The following GTF3C1 variants were observed in gnomAD, a reference collection of about 807,000 sequenced individuals.
GTF3C1 encodes general transcription factor IIIC subunit 1, also known as general transcription factor 3C polypeptide 1.
Under a neutral mutation model 226.7 loss-of-function variants are expected in GTF3C1, and 57 were observed. That is an observed-to-expected ratio of 0.25 (90% CI 0.20 to 0.31). The LOEUF (loss-of-function observed/expected upper bound fraction) is 0.31, where lower values mean the gene tolerates loss of function less well. GTF3C1 is among the 10% of genes least tolerant of loss of function. The pLI, the probability that GTF3C1 is intolerant of heterozygous loss-of-function variation, is 1.00. For missense variants in GTF3C1, 2,217 were observed against 2,776.1 expected, an observed-to-expected ratio of 0.80 and a Z score of 4.53; for synonymous variants, 1,090 against 1,084.8, an observed-to-expected ratio of 1.00 and a Z score of -0.09.
chr16:27,466,014 C>T (rs1379839632), intron 32 of GTF3C1: 1 of 171,240 alleles, frequency 5.8e-6, no homozygotes, highest in Non-Finnish European at 1.3e-5. Flanking sequence ...ACTGTTGCTT[C>T]CTATAGAATA....
Position 27,501,192 on chromosome 16 carries a change from T to C in GTF3C1, c.2060A>G (p.Lys687Arg). The stretch of plus-strand genomic sequence containing the variant: ...GGCATCGGGGGAGGCCCTGGTTACC[T>C]TCTTCTTGATGCCATCTTGAATGAC... ...TTVIQDGIKK[K>R]VDLVVHPSMD... Residue 687 changes from lysine (K) to arginine (R), a missense_variant and splice_region_variant, in exon 12 of 37, where the codon AAG (lysine) becomes AGG (arginine). Transcript: ENST00000356183. 1 of 1,611,100 alleles carries C rather than the reference T, an allele frequency of 6.2e-7. No homozygotes were observed. The highest frequency in any genetic ancestry group is 8.5e-7 in the Non-Finnish European group (1 of 1,177,470).
chr16:27,526,885 G>A (rs904960426), intron 6 of GTF3C1, among the ~76,000 whole-genome samples: 2 of 152,250 alleles, frequency 1.3e-5, no homozygotes, highest in Admixed American at 6.5e-5. Flanking sequence ...ATCAGGAGGA[G>A]TAAAAAGGAT....
chr16:27,500,282 G>A (rs2088386022), intron 12 of GTF3C1, among the ~76,000 whole-genome samples: 1 of 152,136 alleles, frequency 6.6e-6, no homozygotes, highest in African/African-American at 2.4e-5. Flanking sequence ...GTGGCAGGCT[G>A]GTGGGGGAGT....
chr16:27,531,285 C>T (rs1365087619), intron 5 of GTF3C1, among the ~76,000 whole-genome samples: 1 of 152,258 alleles, frequency 6.6e-6, no homozygotes, highest in Non-Finnish European at 1.5e-5. Flanking sequence ...GCCAGCTGCC[C>T]TCTGGATTAC....
intron 6 of GTF3C1, among the ~76,000 whole-genome samples, chr16:27,525,872 A>G (rs867151119): frequency 6.6e-6 from 1 of 152,198 alleles, no homozygotes. Flanking sequence ...TTGGTTTTCT[A>G]TGAGCATGTC....
rs2089173494 is a variant in GTF3C1 at position 27,546,949 on chromosome 16, TAG to T, written c.222-1428_222-1427del. On this transcript the variant is annotated intron_variant, in intron 1 of 36. Transcript: ENST00000356183. ...ACCCAGCTAATTTTTGTATTTTTAG[TAG>T]AGAGAGGGTTTCACGATGTTGGCCA... Among the ~76,000 whole-genome samples, 3 of 151,998 alleles carry T rather than the reference TAG, an allele frequency of 2.0e-5. No homozygotes were observed. In the South Asian group the frequency reaches 6.2e-4, roughly 32 times the overall value.
Position 27,470,037 on chromosome 16 carries a change from C to T in GTF3C1, c.4814+71G>A, listed in dbSNP as rs1032732036. Reference sequence around the variant, plus strand: ...CAAGCTCCCAGAAGGCACTGCTGACCCCTGCCCGTCTGTATCTGGCCAATG... The same window carrying T: ...CAAGCTCCCAGAAGGCACTGCTGACTCCTGCCCGTCTGTATCTGGCCAATG... On this transcript the variant is annotated intron_variant, in intron 31 of 36. Coordinates refer to ENST00000356183, the MANE Select transcript of GTF3C1 (RefSeq NM_001520.4). The surrounding 1 kb of genome is among the most constrained non-coding windows in gnomAD (Gnocchi z 4.9). 2 of 1,273,058 alleles carry T rather than the reference C, an allele frequency of 1.6e-6. No individual in the cohort carries two copies. The highest frequency in any genetic ancestry group is 3.0e-5 in the African/African-American group (2 of 67,374). The allele number at this position is 1,273,058 out of a possible 1,614,324, so 78.9% of individuals were successfully genotyped here.
rs1012914070 is a variant in GTF3C1 at position 27,465,394 on chromosome 16, C to T, written c.5221G>A (p.Ala1741Thr). 4 of 1,614,170 alleles carry T rather than the reference C, an allele frequency of 2.5e-6. No individual in the cohort carries two copies. Among genetic ancestry groups the T allele is most frequent in the African/African-American group, 1.3e-5 (1 of 75,052 alleles). Reference protein sequence around the residue: ...LSGYSPEDLTAALEILEAIIA... With the variant: ...LSGYSPEDLTTALEILEAIIA... ...ATGGCTTCCAAGATCTCCAAGGCAG[C>T]AGTCAGGTCTTCGGGACTATACCCA... The change falls in exon 33 of 37, where the codon GCT becomes ACT. Residue 1741 changes from alanine to threonine, a missense_variant. By Grantham distance (58) the Ala-to-Thr change is moderately conservative (BLOSUM62 0). This residue lies in a region of GTF3C1 where 455 missense variants were observed against 441.9 expected (regional missense o/e 1.03). Coordinates refer to ENST00000356183, the MANE Select transcript of GTF3C1 (RefSeq NM_001520.4).
Position 27,470,086 on chromosome 16 carries a change from G to A in GTF3C1, c.4814+22C>T. The A allele has an allele frequency of 6.2e-7, 1 of 1,601,344 alleles. No homozygotes were observed. ...TGCCTAGCACGTGGCCAGACCTGATGCTGCGGATGCCGGACTCTTACCTTT... is the reference window on the plus strand; with the variant it reads ...TGCCTAGCACGTGGCCAGACCTGATACTGCGGATGCCGGACTCTTACCTTT... On this transcript the variant is annotated intron_variant, in intron 31 of 36. Transcript: ENST00000356183. The surrounding 1 kb of genome is among the most constrained non-coding windows in gnomAD (Gnocchi z 4.9).
At chr16:27,467,530 C>T (rs532578828) in intron 32 of GTF3C1, among the ~76,000 whole-genome samples, 1 of 152,258 alleles carries the variant, frequency 6.6e-6, no homozygotes, top group African/African-American at 2.4e-5. Flanking sequence ...ATTCTGTACC[C>T]CATGGATCAA....
intron 7 of GTF3C1, among the ~76,000 whole-genome samples, chr16:27,508,916 T>C (rs754861333): frequency 3.9e-5 from 6 of 152,298 alleles, no homozygotes; most frequent in Middle Eastern, 6.8e-3. Context: ...AAACACTAAA[T>C]GTCAGGTGAT....
rs2089147108 is a variant in GTF3C1, at chr16:27,545,322, G to C, written c.423C>G (p.Ala141=). 2 of 1,610,686 alleles carry C rather than the reference G, an allele frequency of 1.2e-6. No individual in the cohort carries two copies. The highest frequency in any genetic ancestry group is 1.7e-6 in the Non-Finnish European group (2 of 1,177,022). ...TGGTGCAAAATAGTTACCTGTCAAA[G>C]GCTTCCACCATTGTACAGCGAGGCT... ...SLQPRCTMVE[A]FDRWGKKLII... Residue 141 remains alanine (A), a synonymous_variant, in exon 2 of 37, where the codon GCC becomes GCG. Coordinates refer to ENST00000356183, the MANE Select transcript of GTF3C1 (RefSeq NM_001520.4).
intron 5 of GTF3C1, among the ~76,000 whole-genome samples, chr16:27,530,282 G>C (rs1382111055): frequency 1.3e-5 from 2 of 152,150 alleles, no homozygotes; most frequent in East Asian, 3.9e-4. Flanking sequence ...CCACTGGCTT[G>C]TACATGGCAT....
chr16:27,502,752 C>A, intron 11 of GTF3C1, 107 bp downstream of exon 11: 1 of 1,154,160 alleles, frequency 8.7e-7, no homozygotes, highest in Non-Finnish European at 1.2e-6. Context: ...CACAGTGGGA[C>A]AGAGATTTGA....
intron 6 of GTF3C1, among the ~76,000 whole-genome samples, chr16:27,521,543 G>A (rs1337753082): frequency 2.6e-5 from 4 of 152,256 alleles, no homozygotes; most frequent in Non-Finnish European, 5.9e-5. Context: ...CGGGGAAGAG[G>A]CCAGTTCCTG....
intron 16 of GTF3C1, among the ~76,000 whole-genome samples, 177 bp from the exon 17 acceptor site, chr16:27,493,473 C>T (rs1207935833): frequency 2.0e-5 from 3 of 152,256 alleles, no homozygotes; most frequent in African/African-American, 7.2e-5. Flanking sequence ...GCTGCCCCTC[C>T]CCTCCAGCCC....
At position 27,545,336 on chromosome 16, in the gene GTF3C1, T is replaced by C. The variant is rs149324908; in HGVS notation, c.409A>G (p.Thr137Ala). The C allele has an allele frequency of 1.2e-6, 2 of 1,613,336 alleles. No homozygotes were observed. The highest frequency in any genetic ancestry group is 2.7e-5 in the African/African-American group (2 of 74,932). The part of the protein sequence containing the change: ...IRTKSLQPRC[T>A]MVEAFDRWGK... ...TACCTGTCAAAGGCTTCCACCATTG[T>C]ACAGCGAGGCTGCAAGGACTTGGTT... Residue 137 changes from threonine to alanine, a missense_variant, in exon 2 of 37, where the codon ACA becomes GCA. Transcript: ENST00000356183.
At chr16:27,536,364 G>A (rs959703918) in intron 4 of GTF3C1, among the ~76,000 whole-genome samples, 2 of 152,170 alleles carry the variant, frequency 1.3e-5, no homozygotes, top group Non-Finnish European at 2.9e-5. Flanking sequence ...AGGCCAAGGC[G>A]GGTGGATCAC....
At position 27,539,004 on chromosome 16, in the gene GTF3C1, CTTTTT is replaced by C. The variant is rs899984965; in HGVS notation, c.432-653_432-649del. ...CACACACACACACACACACACTCAT[CTTTTT>C]TTTTTTTTTTTTTTTTGCCAACATC... On this transcript the variant is annotated intron_variant, in intron 2 of 36. Coordinates refer to ENST00000356183, the MANE Select transcript of GTF3C1 (RefSeq NM_001520.4). Among the ~76,000 whole-genome samples, 802 of 103,874 alleles carry C rather than the reference CTTTTT, an allele frequency of 7.7e-3. 8 individuals are homozygous for C. The highest frequency in any genetic ancestry group is 0.028 in the African/African-American group (755 of 26,788). 68.1% of individuals were successfully genotyped at this position (103,874 alleles called of 152,430 possible).
Sources: allele counts gnomAD v4.1 joint callset (sites outside exome capture counted in the v4.1 genomes callset), GRCh38; gene constraint gnomAD v4.1.1; regional missense constraint gnomAD v4.1.1; non-coding constraint Gnocchi (gnomAD v3.1); transcripts MANE v1.5; gene names NCBI Gene and HGNC (gene_info 2026-07-23, HGNC 2026-07-21).